GINM1: variants seen among roughly 807,000 people sequenced by gnomAD.
The protein encoded by GINM1 is glycosylated integral membrane protein 1.
A neutral mutation model predicts 37.8 loss-of-function variants in GINM1; 29 were observed. The ratio of observed to expected loss-of-function variants is 0.77; its 90% CI spans 0.57 to 1.05. The LOEUF (loss-of-function observed/expected upper bound fraction) is 1.05. Ranked by LOEUF, GINM1 falls within the 50% of genes least tolerant of loss-of-function variation. The pLI is 0.00. For synonymous variants in GINM1, 143 were observed against 146.2 expected, an observed-to-expected ratio of 0.98 and a Z score of 0.16; for missense variants, 377 against 397.9, an observed-to-expected ratio of 0.95 and a Z score of 0.45.
Position 149,566,793 on chromosome 6 carries a change from G to T in GINM1, c.120+259G>T, listed in dbSNP as rs547110805. 2.6e-5 allele frequency among the ~76,000 whole-genome samples: 4 copies of T among 152,254 alleles called. No homozygotes were observed. The highest frequency in any genetic ancestry group is 4.4e-5 in the Non-Finnish European group (3 of 68,038). The stretch of plus-strand genomic sequence containing the variant: ...CACCGACTCTCCGGCGGCCCAAGCC[G>T]GCGCGCGACCTGACGGGGCTTTGCC... On this transcript the variant is annotated intron_variant, in intron 1 of 7. Coordinates refer to ENST00000367419, the MANE Select transcript of GINM1 (RefSeq NM_138785.5). This position sits in a 1 kb window ranked among gnomAD's most constrained non-coding sequence, Gnocchi z 4.4.
At chr6:149,590,413 C>T (rs1459668654) in intron 7 of GINM1, among the ~76,000 whole-genome samples, 1 of 152,160 alleles carries the variant, frequency 6.6e-6, no homozygotes, top group Non-Finnish European at 1.5e-5. Context: ...TAGAGAGAGG[C>T]TTAGGCTTAG....
At position 149,591,575 on chromosome 6, in the gene GINM1, G is replaced by C. The variant is rs1483909588; in HGVS notation, c.*737G>C. 1 of 152,022 alleles carries C rather than the reference G, an allele frequency of 6.6e-6. No homozygotes were observed. Among genetic ancestry groups the C allele is most frequent in the Non-Finnish European group, 1.5e-5 (1 of 68,014 alleles). The allele number at this position is 152,022 out of a possible 1,614,324, so 9.4% of individuals were successfully genotyped here. A position where few individuals can be genotyped will look rare whatever the true frequency, so the allele number is the denominator to read the frequency against. On this transcript the variant is annotated 3_prime_UTR_variant, in exon 8 of 8. Coordinates refer to ENST00000367419, the MANE Select transcript of GINM1 (RefSeq NM_138785.5). ...AACTTAACACTTATTTTTTTATTCA[G>C]TACAGTGTGCCTTTATATTAAGTAT...
Position 149,585,881 on chromosome 6 carries a change from C to T in GINM1, c.881+3278C>T, listed in dbSNP as rs530694742. Among the ~76,000 whole-genome samples, 819 of 152,222 alleles carry T rather than the reference C, an allele frequency of 5.4e-3. 3 individuals are homozygous for T. The highest frequency in any genetic ancestry group is 8.3e-3 in the Admixed American group (127 of 15,272). The stretch of plus-strand genomic sequence containing the variant: ...TGCTGGGATTACAGGGGTGAGCCAC[C>T]GCGCCCAGCAATTTTGTTCTTAAAT... On this transcript the variant is annotated intron_variant, in intron 7 of 7. Coordinates refer to ENST00000367419, the MANE Select transcript of GINM1 (RefSeq NM_138785.5).
intron 3 of GINM1, among the ~76,000 whole-genome samples, chr6:149,574,467 T>G (rs912457860): frequency 2.0e-5 from 3 of 152,382 alleles, no homozygotes; most frequent in African/African-American, 7.2e-5. Flanking sequence ...TTGTCCCAAC[T>G]GTTCTGTGTT....
chr6:149,569,805 T>C (rs1206057016), intron 1 of GINM1, among the ~76,000 whole-genome samples: 1 of 152,064 alleles, frequency 6.6e-6, no homozygotes, highest in Non-Finnish European at 1.5e-5. Flanking sequence ...GACACTTATG[T>C]CCCCAGTGGG....
chr6:149,578,817 TA>T lies in GINM1; in HGVS notation c.278-4del. ...TCAAAGGTGTCACTACTTTTTTTTTTATAGTGAAGAATGAAAATCTTGAAAA... is the reference window on the plus strand; with the variant it reads ...TCAAAGGTGTCACTACTTTTTTTTTTTAGTGAAGAATGAAAATCTTGAAAA... On this transcript the variant is annotated splice_region_variant and splice_polypyrimidine_tract_variant and intron_variant, in intron 3 of 7. Coordinates refer to ENST00000367419, the MANE Select transcript of GINM1 (RefSeq NM_138785.5). 6.5e-7 allele frequency: 1 copy of T among 1,547,058 alleles called. No homozygotes were observed. The highest frequency in any genetic ancestry group is 8.8e-7 in the Non-Finnish European group (1 of 1,132,896).
chr6:149,573,486 T>C (rs955099995), intron 3 of GINM1, among the ~76,000 whole-genome samples: 3 of 152,060 alleles, frequency 2.0e-5, no homozygotes, highest in Non-Finnish European at 4.4e-5. Flanking sequence ...TGTTTAAAAC[T>C]CTGTTCTTGT....
intron 6 of GINM1, among the ~76,000 whole-genome samples, chr6:149,581,136 C>T (rs921018887): frequency 1.1e-4 from 17 of 152,102 alleles, no homozygotes; most frequent in Admixed American, 2.0e-4. Flanking sequence ...CTGGTTCTGC[C>T]GCTGACTAGT....
intron 3 of GINM1, among the ~76,000 whole-genome samples, chr6:149,574,332 G>A (rs546338333): frequency 1.5e-3 from 221 of 152,116 alleles, no homozygotes; most frequent in African/African-American, 5.0e-3. Flanking sequence ...GATTACAGGC[G>A]TGAGCCACCG....
Position 149,572,330 on chromosome 6 carries a change from A to T in GINM1, c.166A>T (p.Ile56Leu), listed in dbSNP as rs747124651. The T allele has an allele frequency of 1.3e-6, 2 of 1,596,506 alleles. No individual in the cohort carries two copies. Among genetic ancestry groups the T allele is most frequent in the Non-Finnish European group, 1.7e-6 (2 of 1,170,852 alleles). Reference protein sequence around the residue: ...NVTTLKDDGDISKQQVVLNIT... With the variant: ...NVTTLKDDGDLSKQQVVLNIT... Reference sequence around the variant, plus strand: ...AACTACACTGAAAGATGATGGGGACATATCTAAACAGCAGGTTTGTCTCCT... The same window carrying T: ...AACTACACTGAAAGATGATGGGGACTTATCTAAACAGCAGGTTTGTCTCCT... The change falls in exon 2 of 8, where the codon ATA (isoleucine) becomes TTA (leucine). Residue 56 changes from isoleucine (I) to leucine (L), a missense_variant. Transcript: ENST00000367419.
At chr6:149,572,965 C>A (rs1777853886) in intron 3 of GINM1, among the ~76,000 whole-genome samples, 1 of 152,168 alleles carries the variant, frequency 6.6e-6, no homozygotes, top group Non-Finnish European at 1.5e-5. Flanking sequence ...TGTGCCTGGC[C>A]TGTTCTGTTT....
intron 1 of GINM1, among the ~76,000 whole-genome samples, chr6:149,569,747 G>A (rs1004449274): frequency 6.6e-6 from 1 of 152,002 alleles, no homozygotes; most frequent in Non-Finnish European, 1.5e-5. Context: ...TGTATATTTC[G>A]CTCAGACGTA....
Position 149,572,038 on chromosome 6 carries a change from G to A in GINM1, c.121-247G>A, listed in dbSNP as rs147729615. 4.6e-3 allele frequency among the ~76,000 whole-genome samples: 694 copies of A among 151,804 alleles called. 11 individuals are homozygous for A. The highest frequency in any genetic ancestry group is 0.016 in the African/African-American group (652 of 41,382). Reference sequence around the variant, plus strand: ...GGAGATTGCAGTGAGCCCAGATTGCGGTACTGCACTCCAGCCTGGCGACAA... The same window carrying A: ...GGAGATTGCAGTGAGCCCAGATTGCAGTACTGCACTCCAGCCTGGCGACAA... On this transcript the variant is annotated intron_variant, in intron 1 of 7. Coordinates refer to ENST00000367419, the MANE Select transcript of GINM1 (RefSeq NM_138785.5).
chr6:149,577,011 G>A (rs1320557410), intron 3 of GINM1, among the ~76,000 whole-genome samples: 1 of 152,178 alleles, frequency 6.6e-6, no homozygotes, highest in Non-Finnish European at 1.5e-5. Flanking sequence ...ATCTCACATG[G>A]CAGAGCAGGA....
At chr6:149,590,511 A>G (rs1778138637) in intron 7 of GINM1, among the ~76,000 whole-genome samples, 1 of 152,178 alleles carries the variant, frequency 6.6e-6, no homozygotes, top group Admixed American at 6.5e-5. Flanking sequence ...ATAGGAAATA[A>G]TGAACTTCCT....
chr6:149,574,936 C>T (rs1308946523), intron 3 of GINM1, among the ~76,000 whole-genome samples: 1 of 152,058 alleles, frequency 6.6e-6, no homozygotes, highest in African/African-American at 2.4e-5. Context: ...AATGCAAGAA[C>T]CTTAGAACAC....
chr6:149,577,130 T>TAC (rs1241752828), intron 3 of GINM1, among the ~76,000 whole-genome samples: 2 of 152,222 alleles, frequency 1.3e-5, no homozygotes, highest in African/African-American at 4.8e-5. Context: ...CATTGGGAAT[T>TAC]ACATCTCAAC....
chr6:149,582,978 T>TGCA (rs1554219695), intron 7 of GINM1, among the ~76,000 whole-genome samples: 2 of 151,788 alleles, frequency 1.3e-5, no homozygotes, highest in Admixed American at 6.6e-5. Context: ...CAGTTTAAAA[T>TGCA]GTTAATTTCA....
At chr6:149,575,433 G>A (rs1400574134) in intron 3 of GINM1, among the ~76,000 whole-genome samples, 1 of 152,230 alleles carries the variant, frequency 6.6e-6, no homozygotes, top group Admixed American at 6.5e-5. Flanking sequence ...CCTGCTGGGT[G>A]AGACTGCCAG....
Sources: allele counts gnomAD v4.1 joint callset (sites outside exome capture counted in the v4.1 genomes callset), GRCh38; gene constraint gnomAD v4.1.1; non-coding constraint Gnocchi (gnomAD v3.1); transcripts MANE v1.5; gene names NCBI Gene and HGNC (gene_info 2026-07-23, HGNC 2026-07-21).